The following CCN4 variants were observed in gnomAD, a reference collection of about 807,000 sequenced individuals.
The protein encoded by CCN4 is CCN family member 4.
Under a neutral mutation model 36.7 loss-of-function variants are expected in CCN4, and 30 were observed. That is an observed-to-expected ratio of 0.82 (90% confidence interval 0.61 to 1.11). The LOEUF (loss-of-function observed/expected upper bound fraction) is 1.11, where lower values mean the gene tolerates loss of function less well. Ranked by LOEUF, CCN4 falls within the 50% of genes least tolerant of loss-of-function variation. The pLI, the probability that CCN4 is intolerant of heterozygous loss-of-function variation, is 0.00. For synonymous variants in CCN4, 191 were observed against 195.4 expected, an observed-to-expected ratio of 0.98 and a Z score of 0.19; for missense variants, 505 against 504.9, an observed-to-expected ratio of 1.00 and a Z score of 0.00.
Position 133,230,542 on chromosome 8 carries a change from C to T in CCN4, c.*2832C>T, listed in dbSNP as rs1005522839. ...CTCTTGCGGAGGCCTCTGGAAAAGA[C>T]CTGAATGACACCTATTGGAGAATTA... On this transcript the variant is annotated 3_prime_UTR_variant, in exon 5 of 5. Coordinates refer to ENST00000250160, the MANE Select transcript of CCN4 (RefSeq NM_003882.4). 2 of 152,180 alleles carry T rather than the reference C, an allele frequency of 1.3e-5. No homozygotes were observed. The highest frequency in any genetic ancestry group is 3.8e-4 in the East Asian group (2 of 5,200). The allele number at this position is 152,180 out of a possible 1,614,324, so 9.4% of individuals were successfully genotyped here.
chr8:133,194,117 G>A (rs964232136), intron 1 of CCN4, among the ~76,000 whole-genome samples: 15 of 152,270 alleles, frequency 9.9e-5, no homozygotes, highest in African/African-American at 3.4e-4. Flanking sequence ...ATAAAATCCT[G>A]GGCAAGCATT....
At chr8:133,220,525 T>TG in intron 2 of CCN4, 56 bp from the exon 3 acceptor site, 1 of 1,588,236 alleles carries the variant, frequency 6.3e-7, no homozygotes, top group East Asian at 2.3e-5. Flanking sequence ...TAAAGGCAGC[T>TG]GGGCCAGCCA....
At chr8:133,199,460 T>G (rs1453282945) in intron 1 of CCN4, among the ~76,000 whole-genome samples, 1 of 152,034 alleles carries the variant, frequency 6.6e-6, no homozygotes, top group African/African-American at 2.4e-5. Flanking sequence ...ACAGAGACCT[T>G]AGGACTAAGA....
At chr8:133,212,754 T>G (rs1854100842) in intron 1 of CCN4, 110 bp from the exon 2 acceptor site, 5 of 868,034 alleles carry the variant, frequency 5.8e-6, no homozygotes, top group Non-Finnish European at 8.8e-6. Context: ...AAAAATAATT[T>G]TATGAAAACC....
Position 133,213,655 on chromosome 8 carries a change from A to G in CCN4, c.349+512A>G, listed in dbSNP as rs1854150309. The stretch of plus-strand genomic sequence containing the variant: ...GTTACTTCAGTCACTTAAATTTTCT[A>G]GTTATTTCTTCTGAAATATAATATA... On this transcript the variant is annotated intron_variant, in intron 2 of 4. Transcript: ENST00000250160. Among the ~76,000 whole-genome samples, 5 of 149,672 alleles carry G rather than the reference A, an allele frequency of 3.3e-5. No homozygotes were observed. The South Asian group carries it at 1.0e-3, about 31-fold the overall frequency.
chr8:133,200,783 G>C (rs949790051), intron 1 of CCN4, among the ~76,000 whole-genome samples: 2 of 152,154 alleles, frequency 1.3e-5, no homozygotes, highest in Non-Finnish European at 2.9e-5. Flanking sequence ...CCAGGGGAGG[G>C]AGCACGCATC....
chr8:133,220,784 T>C lies in CCN4; in HGVS notation c.553T>C (p.Cys185Arg). The C allele has an allele frequency of 1.2e-6, 2 of 1,612,072 alleles. No individual in the cohort carries two copies. The highest frequency in any genetic ancestry group is 1.7e-6 in the Non-Finnish European group (2 of 1,179,242). ...TGGCCACTGCTGTGAGCAGTGGGTA[T>C]GTGAGGACGACGCCAAGAGGCCACG... ...IPGHCCEQWV[C>R]EDDAKRPRKT... The change falls in exon 3 of 5, where the codon TGT becomes CGT. Residue 185 changes from cysteine (C) to arginine (R), a missense_variant. Cys to Arg is a radical substitution (Grantham distance 180). Transcript: ENST00000250160.
chr8:133,202,667 T>G (rs933607400), intron 1 of CCN4, among the ~76,000 whole-genome samples: 1 of 152,208 alleles, frequency 6.6e-6, no homozygotes, highest in Non-Finnish European at 1.5e-5. Context: ...TGGGAGTTTC[T>G]GGGCAGTGCG....
chr8:133,207,994 G>GTTTTTTTTTTTT (rs33983896), intron 1 of CCN4, among the ~76,000 whole-genome samples: 5 of 141,682 alleles, frequency 3.5e-5, no homozygotes, highest in African/African-American at 1.0e-4. Context: ...CCTTTCAGCT[G>GTTTTTTTTTTTT]TTTTTTTTTT....
intron 1 of CCN4, among the ~76,000 whole-genome samples, chr8:133,207,617 T>G (rs1853827405): frequency 6.6e-6 from 1 of 152,226 alleles, no homozygotes; most frequent in Non-Finnish European, 1.5e-5. Context: ...TGTGCCTCTG[T>G]GTTCTCACTG....
At chr8:133,194,053 G>T (rs1219017468) in intron 1 of CCN4, among the ~76,000 whole-genome samples, 1 of 151,632 alleles carries the variant, frequency 6.6e-6, no homozygotes, top group Non-Finnish European at 1.5e-5. Flanking sequence ...ACGTGAAAAT[G>T]TGCCTGAGGA....
chr8:133,217,987 C>A (rs1025260034), intron 2 of CCN4, among the ~76,000 whole-genome samples: 1 of 121,756 alleles, frequency 8.2e-6, no homozygotes, highest in Non-Finnish European at 1.8e-5. Flanking sequence ...AGCGTGCAGG[C>A]AGAGGCAGGG....
chr8:133,217,936 C>CACACACACACACACACACA (rs1854381190), intron 2 of CCN4, among the ~76,000 whole-genome samples: 1 of 144,432 alleles, frequency 6.9e-6, no homozygotes, highest in Non-Finnish European at 1.5e-5. Flanking sequence ...ACTCCCTTCT[C>CACACACACACACACACACA]CACACACACA....
rs1054834278 is a variant in CCN4, at chr8:133,230,149, C to A, written c.*2439C>A. ...GGGTGCAGGAAGGTGGTCAGAATAA[C>A]CCAGTCGCCATTGGTTTTGAGAAAC... On this transcript the variant is annotated 3_prime_UTR_variant, in exon 5 of 5. Transcript: ENST00000250160. The A allele has an allele frequency of 1.3e-5, 2 of 152,232 alleles. No individual in the cohort carries two copies. Among genetic ancestry groups the A allele is most frequent in the East Asian group, 1.9e-4 (1 of 5,190 alleles). The allele number at this position is 152,232 out of a possible 1,614,324, so 9.4% of individuals were successfully genotyped here. A position where few individuals can be genotyped will look rare whatever the true frequency, so the allele number is the denominator to read the frequency against.
intron 1 of CCN4, among the ~76,000 whole-genome samples, chr8:133,200,699 G>A (rs1853558334): frequency 6.6e-6 from 1 of 152,098 alleles, no homozygotes; most frequent in African/African-American, 2.4e-5. Flanking sequence ...TGTCAAATTG[G>A]GGCCATCAAT....
chr8:133,210,749 G>A (rs1331513322), intron 1 of CCN4, among the ~76,000 whole-genome samples: 1 of 152,212 alleles, frequency 6.6e-6, no homozygotes, highest in Non-Finnish European at 1.5e-5. Context: ...ACCCCATGGA[G>A]TTCACCGGCA....
At chr8:133,195,737 G>A (rs1048744397) in intron 1 of CCN4, among the ~76,000 whole-genome samples, 5 of 152,214 alleles carry the variant, frequency 3.3e-5, no homozygotes, top group Admixed American at 6.5e-5. Flanking sequence ...CTTGTGGGCT[G>A]AGCAGCACTC....
In CCN4 at chr8:133,219,093, C is replaced by T. The variant is rs540149596; in HGVS notation, c.350-1488C>T. Among the ~76,000 whole-genome samples the T allele has an allele frequency of 3.3e-5, 5 of 152,318 alleles. No homozygotes were observed. In the South Asian group the frequency reaches 1.0e-3, roughly 32 times the overall value. On this transcript the variant is annotated intron_variant, in intron 2 of 4. Coordinates refer to ENST00000250160, the MANE Select transcript of CCN4 (RefSeq NM_003882.4). ...CCCATGCTACCTTTGCCCTCTGACT[C>T]AGCACCGTGAGTGTTCTCATGTCCT...
chr8:133,204,789 C>T (rs1234338261), intron 1 of CCN4, among the ~76,000 whole-genome samples: 2 of 152,190 alleles, frequency 1.3e-5, no homozygotes, highest in East Asian at 3.9e-4. Context: ...TCCTTGACCT[C>T]GAGTGATCCA....
Sources: allele counts gnomAD v4.1 joint callset (sites outside exome capture counted in the v4.1 genomes callset), GRCh38; gene constraint gnomAD v4.1.1; transcripts MANE v1.5; gene names NCBI Gene and HGNC (gene_info 2026-07-23, HGNC 2026-07-21).